Variants in MED13 observed in about 807,000 individuals in gnomAD.
MED13 encodes the protein mediator of RNA polymerase II transcription subunit 13.
Under a neutral mutation model 225.2 loss-of-function variants are expected in MED13, and 23 were observed. That is an observed-to-expected ratio of 0.10 (90% CI 0.07 to 0.14). The LOEUF is 0.14. Ranked by LOEUF, MED13 falls within the 10% of genes least tolerant of loss-of-function variation. The pLI, the probability that MED13 is intolerant of heterozygous loss-of-function variation, is 1.00. For synonymous variants in MED13, 942 were observed against 889.2 expected (o/e 1.06, Z -1.06); for missense variants, 2,197 against 2,594.5 (o/e 0.85, Z 3.33).
intron 24 of MED13, 110 bp downstream of exon 24, chr17:61,956,229 T>C (rs907092370): frequency 1.5e-5 from 16 of 1,093,958 alleles, no homozygotes; most frequent in Non-Finnish European, 1.9e-5. Context: ...TGTGGTTCCT[T>C]ATTTGATAAC....
At chr17:61,972,354 T>C (rs1464351161) in intron 17 of MED13, among the ~76,000 whole-genome samples, 1 of 152,216 alleles carries the variant, frequency 6.6e-6, no homozygotes, top group African/African-American at 2.4e-5. Context: ...CTTTTATCAC[T>C]AGTATAACCC....
chr17:62,060,481 G>A (rs942168095), intron 2 of MED13, among the ~76,000 whole-genome samples: 13 of 151,564 alleles, frequency 8.6e-5, no homozygotes, highest in Admixed American at 2.0e-4. Flanking sequence ...TTAGCCGGGC[G>A]TGGTGGTGGG....
At chr17:62,040,060 C>A (rs1351380340) in intron 3 of MED13, among the ~76,000 whole-genome samples, 1 of 152,122 alleles carries the variant, frequency 6.6e-6, no homozygotes, top group African/African-American at 2.4e-5. Flanking sequence ...GTGTGCACCA[C>A]CACACCCAAA....
chr17:62,005,917 A>G (rs1046545381), intron 9 of MED13: 1 of 152,186 alleles, frequency 6.6e-6, no homozygotes, highest in Non-Finnish European at 1.5e-5. Flanking sequence ...CTTAATCGGC[A>G]TAGTGCACAG....
chr17:61,984,471 A>C (rs2080231602), intron 14 of MED13, 104 bp from the exon 15 acceptor site: 1 of 987,074 alleles, frequency 1.0e-6, no homozygotes, highest in African/African-American at 1.7e-5. Flanking sequence ...AAACAGAATA[A>C]AATCTAAATA....
chr17:61,963,022 G>T (rs1398977201), intron 20 of MED13, 51 bp from the exon 21 acceptor site: 2 of 1,508,162 alleles, frequency 1.3e-6, no homozygotes, highest in Non-Finnish European at 1.8e-6. Context: ...ATATGCTTGG[G>T]GTAGCATCTA....
rs2080972952 is a variant in MED13, at chr17:62,053,475, TTGAGA to T, written c.302-775_302-771del. On this transcript the variant is annotated intron_variant, in intron 2 of 29. Transcript: ENST00000397786. Reference sequence around the variant, plus strand: ...CCAAAAAAACATTAACACAGTCATTTTGAGATAAGTCTGGATGTAGGTCAGAAAAA... The same window carrying T: ...CCAAAAAAACATTAACACAGTCATTTTAAGTCTGGATGTAGGTCAGAAAAA... Among the ~76,000 whole-genome samples, 3 of 152,234 alleles carry T rather than the reference TTGAGA, an allele frequency of 2.0e-5. No homozygotes were observed. In the South Asian group the frequency reaches 6.2e-4, roughly 32 times the overall value.
Position 61,955,419 on chromosome 17 carries a change from G to T in MED13, c.5931C>A (p.Thr1977=). The T allele has an allele frequency of 6.3e-7, 1 of 1,576,638 alleles. No individual in the cohort carries two copies. The highest frequency in any genetic ancestry group is 8.6e-7 in the Non-Finnish European group (1 of 1,166,944). Reference sequence around the variant, plus strand: ...TGAAAGCTAAATCCAAATTTTCAGTGGTATAAGTAGCTGAAGCTACTTGCA... The same window carrying T: ...TGAAAGCTAAATCCAAATTTTCAGTTGTATAAGTAGCTGAAGCTACTTGCA... ...ASVQVASATY[T]TENLDLAFNP... is the part of the protein sequence containing the mutation. Residue 1977 remains threonine (T), a synonymous_variant, in exon 26 of 30, where the codon ACC becomes ACA. Transcript: ENST00000397786.
intron 8 of MED13, among the ~76,000 whole-genome samples, chr17:62,021,512 C>T (rs908351365): frequency 6.6e-6 from 1 of 152,232 alleles, no homozygotes; most frequent in Non-Finnish European, 1.5e-5. Context: ...GCGCCCCTCA[C>T]CTCCCGGACG....
chr17:62,016,798 C>CG (rs1567980858), intron 8 of MED13, among the ~76,000 whole-genome samples: 1 of 152,136 alleles, frequency 6.6e-6, no homozygotes, highest in South Asian at 2.1e-4. Context: ...CACCTGAGGT[C>CG]GGGGGTTCTA....
At chr17:62,035,381 C>A in intron 4 of MED13, 82 bp downstream of exon 4, 1 of 1,170,520 alleles carries the variant, frequency 8.5e-7, no homozygotes, top group South Asian at 1.8e-5. Context: ...GGAATTCCAT[C>A]AATCCCCAAA....
At chr17:61,983,653 A>C (rs578003943) in intron 15 of MED13, among the ~76,000 whole-genome samples, 143 of 152,304 alleles carry the variant, frequency 9.4e-4, no homozygotes, top group African/African-American at 3.3e-3. Flanking sequence ...ATTGCAGCCC[A>C]AAAGAAAAGG....
At chr17:62,041,093 G>A (rs994058915) in intron 3 of MED13, among the ~76,000 whole-genome samples, 18 of 152,260 alleles carry the variant, frequency 1.2e-4, no homozygotes, top group Non-Finnish European at 2.5e-4. Flanking sequence ...AATGTTCATA[G>A]CAGCATTATT....
chr17:61,984,575 T>G, intron 14 of MED13, 76 bp downstream of exon 14: 1 of 1,326,330 alleles, frequency 7.5e-7, no homozygotes, highest in Non-Finnish European at 1.0e-6. Context: ...ATAAAATAAT[T>G]TTTGACTATA....
intron 9 of MED13, among the ~76,000 whole-genome samples, chr17:62,000,374 T>C (rs1467873188): frequency 6.6e-6 from 1 of 152,198 alleles, no homozygotes; most frequent in African/African-American, 2.4e-5. Flanking sequence ...TCCCCTCTAT[T>C]AAGTTTCAGA....
intron 24 of MED13, 112 bp downstream of exon 24, chr17:61,956,223 GTTCC>G (rs2143313819): frequency 2.9e-6 from 3 of 1,021,924 alleles, no homozygotes; most frequent in Non-Finnish European, 4.2e-6. Flanking sequence ...GACATATGTG[GTTCC>G]TTATTTGATA....
rs1374966655 is a variant in MED13 at position 62,015,936 on chromosome 17, A to T, written c.1284-4703T>A. 1.2e-3 allele frequency among the ~76,000 whole-genome samples: 11 copies of T among 8,830 alleles called. 1 individual carries two copies. In the East Asian group the frequency reaches 0.021, roughly 17 times the overall value. 5.8% of individuals were successfully genotyped at this position (8,830 alleles called of 152,430 possible). On this transcript the variant is annotated intron_variant, in intron 8 of 29. Coordinates refer to ENST00000397786, the MANE Select transcript of MED13 (RefSeq NM_005121.3). The stretch of plus-strand genomic sequence containing the variant: ...TACACATATATATATATATATATAT[A>T]TATATATATATATATATATTTTTTT...
intron 11 of MED13, among the ~76,000 whole-genome samples, chr17:61,988,735 G>T (rs955079539): frequency 1.4e-5 from 2 of 143,638 alleles, no homozygotes; most frequent in Non-Finnish European, 3.1e-5. Flanking sequence ...GAGTTTTTTC[G>T]TTTTTTTTTT....
chr17:62,022,165 C>CAAAAA lies in MED13; in HGVS notation c.1283+7371_1283+7375dup, dbSNP rs35035293. On this transcript the variant is annotated intron_variant, in intron 8 of 29. Transcript: ENST00000397786. ...CCTGGGCAACAGAGCAAGACTGTCT[C>CAAAAA]AAAAAAAAAATATATATATATATAT... is the stretch of plus-strand genomic sequence containing the variant. Among the ~76,000 whole-genome samples the CAAAAA allele has an allele frequency of 1.5e-5, 2 of 133,810 alleles. 1 individual carries two copies. Among genetic ancestry groups the CAAAAA allele is most frequent in the East Asian group, 4.4e-4 (2 of 4,536 alleles). 87.8% of individuals were successfully genotyped at this position (133,810 alleles called of 152,430 possible). A position where few individuals can be genotyped will look rare whatever the true frequency, so the allele number is the denominator to read the frequency against.
Sources: gnomAD v4.1 joint callset for allele counts (sites outside exome capture counted in the v4.1 genomes callset) on GRCh38, gnomAD v4.1.1 for gene constraint, MANE v1.5 for transcripts, NCBI Gene and HGNC (gene_info 2026-07-23, HGNC 2026-07-21) for gene names.